Variants in NSD2 observed in about 807,000 individuals in gnomAD.
NSD2 encodes nuclear receptor binding SET domain protein 2, also known as histone-lysine N-methyltransferase NSD2.
NSD2 carries 12 observed loss-of-function variants against 139.0 expected under a neutral mutation model. The ratio of observed to expected loss-of-function variants is 0.09; its 90% confidence interval spans 0.06 to 0.14. The LOEUF (loss-of-function observed/expected upper bound fraction) is 0.14, where lower values mean the gene tolerates loss of function less well. NSD2 is among the 10% of genes least tolerant of loss of function. The pLI is 1.00. For synonymous variants in NSD2, 669 were observed against 648.7 expected (o/e 1.03, Z -0.48); for missense variants, 1,155 against 1,745.0 (o/e 0.66, Z 6.02).
At chr4:1,891,297 G>C (rs916972308) in intron 1 of NSD2, among the ~76,000 whole-genome samples, 5 of 152,174 alleles carry the variant, frequency 3.3e-5, no homozygotes, top group Non-Finnish European at 7.3e-5. Flanking sequence ...TAGAAAATGA[G>C]GGTATTTTAG....
At chr4:1,949,703 G>A (rs758197617) in intron 9 of NSD2, among the ~76,000 whole-genome samples, 1 of 151,238 alleles carries the variant, frequency 6.6e-6, no homozygotes, top group Non-Finnish European at 1.5e-5. Context: ...GGCGGAGTTT[G>A]CAGTGAGCTG....
chr4:1,958,376 C>T lies in NSD2; in HGVS notation c.2985+340C>T, dbSNP rs373874155. Among the ~76,000 whole-genome samples, 4 of 152,348 alleles carry T rather than the reference C, an allele frequency of 2.6e-5. No homozygotes were observed. Among genetic ancestry groups the T allele is most frequent in the Non-Finnish European group, 4.4e-5 (3 of 68,024 alleles). On this transcript the variant is annotated intron_variant, in intron 16 of 21. Coordinates refer to ENST00000508803, the MANE Select transcript of NSD2 (RefSeq NM_001042424.3). The surrounding 1 kb of genome is among the most constrained non-coding windows in gnomAD (Gnocchi z 4.6). Reference sequence around the variant, plus strand: ...CCAAGTGCTGGGAGTCAGTCACATACGGCCAGGGCTCAGTGACTGAGCCCC... The same window carrying T: ...CCAAGTGCTGGGAGTCAGTCACATATGGCCAGGGCTCAGTGACTGAGCCCC...
rs112710017 is a variant in NSD2 at position 1,974,215 on chromosome 4, CT to C, written c.3373-636del. ...TTTGCTGGTTTTCGGTTGGGTGAGT[CT>C]TTTTTTTTTTTGAGACGGAGTTTTG... On this transcript the variant is annotated intron_variant, in intron 18 of 21. Coordinates refer to ENST00000508803, the MANE Select transcript of NSD2 (RefSeq NM_001042424.3). This position sits in a 1 kb window ranked among gnomAD's most constrained non-coding sequence, Gnocchi z 4.0. Among the ~76,000 whole-genome samples, 1,551 of 144,496 alleles carry C rather than the reference CT, an allele frequency of 0.011. 17 individuals carry two copies. Among genetic ancestry groups the C allele is most frequent in the African/African-American group, 0.033 (1,316 of 39,796 alleles). 94.8% of individuals were successfully genotyped at this position (144,496 alleles called of 152,430 possible). A position where few individuals can be genotyped will look rare whatever the true frequency, so the allele number is the denominator to read the frequency against.
In NSD2 at chr4:1,942,787, C is replaced by T. The variant is rs991504553; in HGVS notation, c.1881+3009C>T. On this transcript the variant is annotated intron_variant, in intron 9 of 21. Coordinates refer to ENST00000508803, the MANE Select transcript of NSD2 (RefSeq NM_001042424.3). This position sits in a 1 kb window ranked among gnomAD's most constrained non-coding sequence, Gnocchi z 4.0. ...GGACTTTTGTGGAAAATATCAGCGTCGCTACCCTCAGAAACAAACTAACAG... is the reference window on the plus strand; with the variant it reads ...GGACTTTTGTGGAAAATATCAGCGTTGCTACCCTCAGAAACAAACTAACAG... 8 of 1,078,630 alleles carry T rather than the reference C, an allele frequency of 7.4e-6. No individual in the cohort carries two copies. In the African/African-American group the frequency reaches 8.2e-5, roughly 11 times the overall value. The allele number at this position is 1,078,630 out of a possible 1,614,324, so 66.8% of individuals were successfully genotyped here. A position where few individuals can be genotyped will look rare whatever the true frequency, so the allele number is the denominator to read the frequency against.
At position 1,982,040 on chromosome 4, in the gene NSD2, G is replaced by GACTT. The variant is rs1727818369; in HGVS notation, c.*3133_*3136dup. ...GTGCTGTCACCAGGTTTGATAGTTA[G>GACTT]ACTTAAAAACTTGAAATTCACTTTT... On this transcript the variant is annotated 3_prime_UTR_variant, in exon 22 of 22. Transcript: ENST00000508803. 5 of 397,936 alleles carry GACTT rather than the reference G, an allele frequency of 1.3e-5. No homozygotes were observed. In the East Asian group the frequency reaches 1.8e-4, roughly 14 times the overall value. 24.7% of individuals were successfully genotyped at this position (397,936 alleles called of 1,614,324 possible).
At chr4:1,909,626 T>C (rs1718397621) in intron 3 of NSD2, among the ~76,000 whole-genome samples, 1 of 151,772 alleles carries the variant, frequency 6.6e-6, no homozygotes, top group Non-Finnish European at 1.5e-5. Context: ...TTTTCTATCC[T>C]CTATTCCTAT....
At chr4:1,926,076 TACAG>T (rs1348331230) in intron 5 of NSD2, among the ~76,000 whole-genome samples, 1 of 151,938 alleles carries the variant, frequency 6.6e-6, no homozygotes, top group Non-Finnish European at 1.5e-5. Context: ...GTGCTGGGAT[TACAG>T]ACATGAGCCA....
chr4:1,941,656 G>A (rs1300149449), intron 9 of NSD2: 1 of 1,043,302 alleles, frequency 9.6e-7, no homozygotes, highest in Non-Finnish European at 1.2e-6. Context: ...TGAAGGTGAT[G>A]CATAGATCCC....
chr4:1,876,301 A>G (rs2108663706), intron 1 of NSD2, among the ~76,000 whole-genome samples: 1 of 152,308 alleles, frequency 6.6e-6, no homozygotes, highest in African/African-American at 2.4e-5. Context: ...TGAGTTTTCA[A>G]AGCATTTTAC....
intron 5 of NSD2, among the ~76,000 whole-genome samples, chr4:1,922,163 A>G (rs965975208): frequency 1.3e-5 from 2 of 152,362 alleles, no homozygotes; most frequent in South Asian, 2.1e-4. Context: ...AATACTAGCC[A>G]GTATTATAAA....
intron 11 of NSD2, chr4:1,952,756 C>T (rs754765927): frequency 3.3e-5 from 36 of 1,091,514 alleles, no homozygotes; most frequent in African/African-American, 3.3e-4. Flanking sequence ...CATCAGGTGT[C>T]GCCCGGCACA....
chr4:1,965,051 CAAAA>C (rs555374240), intron 18 of NSD2, among the ~76,000 whole-genome samples: 15 of 47,152 alleles, frequency 3.2e-4, no homozygotes, highest in South Asian at 2.6e-3. Flanking sequence ...CAGTGTTCAG[CAAAA>C]AAAAAAAAAA....
chr4:1,911,987 G>T, intron 3 of NSD2: 1 of 207,318 alleles, frequency 4.8e-6, no homozygotes, highest in South Asian at 5.9e-5. Flanking sequence ...TTATAAAAAT[G>T]CTATAACATA....
At chr4:1,894,994 A>G (rs1716067361) in intron 1 of NSD2, among the ~76,000 whole-genome samples, 1 of 151,970 alleles carries the variant, frequency 6.6e-6, no homozygotes, top group Admixed American at 6.5e-5. Context: ...GTCTCTATGT[A>G]TTCTATTCTG....
At chr4:1,916,481 G>T (rs192263947) in intron 3 of NSD2, among the ~76,000 whole-genome samples, 6 of 152,274 alleles carry the variant, frequency 3.9e-5, no homozygotes, top group Admixed American at 3.9e-4. Flanking sequence ...GAGTAGCTGG[G>T]ACTACAGGTG....
intron 1 of NSD2, among the ~76,000 whole-genome samples, chr4:1,895,129 G>A (rs909061731): frequency 3.3e-5 from 5 of 152,148 alleles, no homozygotes; most frequent in Non-Finnish European, 4.4e-5. Context: ...TCCTTTTAAA[G>A]CTGAATACTA....
At chr4:1,918,086 G>A in intron 4 of NSD2, 55 bp from the exon 5 acceptor site, 1 of 1,562,156 alleles carries the variant, frequency 6.4e-7, no homozygotes, top group South Asian at 1.2e-5. Context: ...AGGAAAAGTA[G>A]TTAACTTTTA....
chr4:1,970,775 T>C (rs1222617071), intron 18 of NSD2, among the ~76,000 whole-genome samples: 3 of 152,068 alleles, frequency 2.0e-5, no homozygotes, highest in African/African-American at 4.8e-5. Context: ...GGACATGTAA[T>C]GTCCGGGACA....
Position 1,975,346 on chromosome 4 carries a change from G to T in NSD2, c.3567G>T (p.Thr1189=). 1 of 1,614,150 alleles carries T rather than the reference G, an allele frequency of 6.2e-7. No homozygotes were observed. Among genetic ancestry groups the T allele is most frequent in the South Asian group, 1.1e-5 (1 of 91,084 alleles). Residue 1189 remains threonine (T), a synonymous_variant, in exon 20 of 22, where the codon ACG becomes ACT. Coordinates refer to ENST00000508803, the MANE Select transcript of NSD2 (RefSeq NM_001042424.3). ...YNLDCLGNEK[T]VCRCGASNCS... is the part of the protein sequence containing the mutation. Reference sequence around the variant, plus strand: ...TCGATTGTCTGGGCAATGAAAAAACGGTCTGCCGGTGTGGAGCCTCCAATT... The same window carrying T: ...TCGATTGTCTGGGCAATGAAAAAACTGTCTGCCGGTGTGGAGCCTCCAATT...
Sources: gnomAD v4.1 joint callset for allele counts (sites outside exome capture counted in the v4.1 genomes callset) on GRCh38, gnomAD v4.1.1 for gene constraint, Gnocchi (gnomAD v3.1) non-coding constraint, MANE v1.5 for transcripts, NCBI Gene and HGNC (gene_info 2026-07-23, HGNC 2026-07-21) for gene names.